Variants in ACSF3 observed in about 807,000 individuals in gnomAD.
The protein encoded by ACSF3 is malonate--CoA ligase ACSF3, mitochondrial.
ACSF3 carries 78 observed loss-of-function variants against 53.2 expected under a neutral mutation model. That is an observed-to-expected ratio of 1.47 (90% confidence interval 1.22 to 1.77). The LOEUF is 1.77. ACSF3 is among the 40% of genes most tolerant of loss of function. The pLI, the probability that ACSF3 is intolerant of heterozygous loss-of-function variation, is 0.00. For missense variants in ACSF3, 937 were observed against 771.1 expected, an observed-to-expected ratio of 1.22 and a Z score of -2.55; for synonymous variants, 414 against 333.1, an observed-to-expected ratio of 1.24 and a Z score of -2.65.
At chr16:89,134,122 G>A (rs1909921324) in intron 8 of ACSF3, among the ~76,000 whole-genome samples, 1 of 152,112 alleles carries the variant, frequency 6.6e-6, no homozygotes, top group African/African-American at 2.4e-5. Flanking sequence ...TGTGTTACTA[G>A]GGGGTCCTTG....
At chr16:89,145,803 T>G in intron 9 of ACSF3, 135 bp from the exon 10 acceptor site, 3 of 824,944 alleles carry the variant, frequency 3.6e-6, no homozygotes, top group East Asian at 2.4e-5. Context: ...GGACGAGTGA[T>G]TGGAGTGGGG....
chr16:89,114,745 C>T (rs1316224605), intron 6 of ACSF3: 4 of 562,772 alleles, frequency 7.1e-6, no homozygotes, highest in East Asian at 6.4e-5. Flanking sequence ...ACTGGGGAGA[C>T]AATGGGAAGA....
At chr16:89,098,550 TAC>T (rs1567680132) in intron 1 of ACSF3, 39 bp from the exon 2 acceptor site, 4 of 429,084 alleles carry the variant, frequency 9.3e-6, no homozygotes, top group Non-Finnish European at 1.4e-5. Flanking sequence ...GGAAGCGTTA[TAC>T]ACACAGCCTG....
rs544590962 is a variant in ACSF3, at chr16:89,132,727, A to G, written c.1240-409A>G. Among the ~76,000 whole-genome samples, 8 of 152,278 alleles carry G rather than the reference A, an allele frequency of 5.3e-5. No homozygotes were observed. In the South Asian group the frequency reaches 1.7e-3, roughly 32 times the overall value. On this transcript the variant is annotated intron_variant, in intron 7 of 10. Coordinates refer to ENST00000614302, the MANE Select transcript of ACSF3 (RefSeq NM_001243279.3). ...GCCCGCTGCTGTGTTCCCTGGTTTG[A>G]GAAACGCCCCCGAAGATGGGATTTG...
chr16:89,095,029 C>T (rs1037430948), intron 1 of ACSF3, among the ~76,000 whole-genome samples: 3 of 152,232 alleles, frequency 2.0e-5, no homozygotes, highest in African/African-American at 4.8e-5. Flanking sequence ...GTTGCTTTCC[C>T]ATCCTGGGAG....
chr16:89,101,496 C>A, intron 3 of ACSF3, 149 bp downstream of exon 3: 2 of 1,495,710 alleles, frequency 1.3e-6, no homozygotes, highest in South Asian at 1.3e-5. Context: ...TACAGGGACG[C>A]AGGCCCTCGG....
chr16:89,110,283 C>A (rs865976876), intron 4 of ACSF3, among the ~76,000 whole-genome samples: 1 of 152,304 alleles, frequency 6.6e-6, no homozygotes, highest in Middle Eastern at 3.4e-3. Context: ...CTAGTTTTAG[C>A]TCATACGTGG....
chr16:89,101,499 G>T, intron 3 of ACSF3, 152 bp downstream of exon 3: 1 of 1,490,000 alleles, frequency 6.7e-7, no homozygotes. Flanking sequence ...AGGGACGCAG[G>T]CCCTCGGGGT....
rs572881731 is a variant in ACSF3 at position 89,126,378 on chromosome 16, C to T, written c.1239+5465C>T. Among the ~76,000 whole-genome samples the T allele has an allele frequency of 9.2e-5, 14 of 152,166 alleles. No homozygotes were observed. In the South Asian group the frequency reaches 2.9e-3, roughly 32 times the overall value. ...CTACTTCCTGGGTCTAAGTGATTCT[C>T]ATGCCTCAGCCTCCCCAGTAGCTGG... is the stretch of plus-strand genomic sequence containing the variant. On this transcript the variant is annotated intron_variant, in intron 7 of 10. Coordinates refer to ENST00000614302, the MANE Select transcript of ACSF3 (RefSeq NM_001243279.3).
Position 89,154,849 on chromosome 16 carries a change from G to A in ACSF3, c.*642G>A, listed in dbSNP as rs752208081. 16 of 454,020 alleles carry A rather than the reference G, an allele frequency of 3.5e-5. No homozygotes were observed. Among genetic ancestry groups the A allele is most frequent in the Admixed American group, 1.4e-4 (6 of 42,556 alleles). The allele number at this position is 454,020 out of a possible 1,614,324, so 28.1% of individuals were successfully genotyped here. Reference sequence around the variant, plus strand: ...CATCAGCATGTGTCACAGAAAGTGCGTGGACGGATGGCCCCGGAGCTGCTC... The same window carrying A: ...CATCAGCATGTGTCACAGAAAGTGCATGGACGGATGGCCCCGGAGCTGCTC... On this transcript the variant is annotated 3_prime_UTR_variant, in exon 11 of 11. Transcript: ENST00000614302.
chr16:89,129,942 A>G (rs1000899307), intron 7 of ACSF3, among the ~76,000 whole-genome samples: 10 of 152,194 alleles, frequency 6.6e-5, no homozygotes, highest in African/African-American at 2.4e-4. Flanking sequence ...TAATACCTGT[A>G]TTTGTTGTAA....
intron 4 of ACSF3, 60 bp downstream of exon 4, chr16:89,102,819 G>T (rs1975515644): frequency 6.3e-7 from 1 of 1,591,900 alleles, no homozygotes; most frequent in African/African-American, 1.3e-5. Context: ...CCCCTGTCGG[G>T]GCCAGGGCTC....
intron 5 of ACSF3, 124 bp downstream of exon 5, chr16:89,112,370 C>A: frequency 8.2e-7 from 1 of 1,222,424 alleles, no homozygotes; most frequent in Non-Finnish European, 1.2e-6. Context: ...TTTCAATGTT[C>A]CCTCTCTCTC....
intron 7 of ACSF3, among the ~76,000 whole-genome samples, chr16:89,124,404 TG>T (rs1907492468): frequency 1.4e-4 from 2 of 14,528 alleles, no homozygotes; most frequent in African/African-American, 3.3e-4. Context: ...GCACTGCTCA[TG>T]TGTGTGTTAC....
chr16:89,153,837 G>T (rs1190309946), intron 10 of ACSF3: 1 of 547,702 alleles, frequency 1.8e-6, no homozygotes, highest in Non-Finnish European at 3.3e-6. Context: ...CCTCGCCCAA[G>T]GCCTGCACGC....
At chr16:89,099,972 C>G (rs1427842223) in intron 2 of ACSF3, among the ~76,000 whole-genome samples, 5 of 96,280 alleles carry the variant, frequency 5.2e-5, no homozygotes, top group Non-Finnish European at 1.2e-4. Context: ...GAGACCTTGT[C>G]TCTACCAAAA....
intron 7 of ACSF3, among the ~76,000 whole-genome samples, chr16:89,123,951 T>C (rs992100854): frequency 4.6e-5 from 7 of 152,184 alleles, no homozygotes; most frequent in African/African-American, 1.7e-4. Context: ...ATACACGCAG[T>C]GTGCACACGG....
chr16:89,103,632 G>A (rs930433024), intron 4 of ACSF3, among the ~76,000 whole-genome samples: 1 of 152,216 alleles, frequency 6.6e-6, no homozygotes, highest in Non-Finnish European at 1.5e-5. Flanking sequence ...GGCGTAGGGC[G>A]TGACCCTTTG....
intron 3 of ACSF3, 178 bp from the exon 4 acceptor site, chr16:89,102,426 C>T: frequency 1.4e-6 from 1 of 702,076 alleles, no homozygotes; most frequent in South Asian, 1.6e-5. Flanking sequence ...AGCAGATCTG[C>T]TGTGGTTTTG....
Sources: gnomAD v4.1 joint callset for allele counts (sites outside exome capture counted in the v4.1 genomes callset) on GRCh38, gnomAD v4.1.1 for gene constraint, MANE v1.5 for transcripts, NCBI Gene and HGNC (gene_info 2026-07-23, HGNC 2026-07-21) for gene names.